NCK2: variants seen among roughly 807,000 people sequenced by gnomAD.
NCK2 encodes cytoplasmic protein NCK2.
In NCK2, 16 loss-of-function variants were observed where a neutral mutation model predicts 33.9. The observed-to-expected ratio is 0.47, with a 90% CI of 0.32 to 0.72. NCK2 has a LOEUF of 0.72. Among genes scored for constraint, NCK2 ranks in the 30% least tolerant of loss-of-function variants. NCK2 has a pLI of 0.03. For missense variants in NCK2, 418 were observed against 537.3 expected (o/e 0.78, Z 2.19); for synonymous variants, 273 against 239.9 (o/e 1.14, Z -1.27).
At chr2:105,844,496 G>A (rs2104557955) in intron 2 of NCK2, among the ~76,000 whole-genome samples, 1 of 151,818 alleles carries the variant, frequency 6.6e-6, no homozygotes, top group South Asian at 2.1e-4. Context: ...GGCTGAGGCG[G>A]GCGGATTATG....
chr2:105,874,992 T>C (rs2104641314), intron 3 of NCK2, among the ~76,000 whole-genome samples: 1 of 152,358 alleles, frequency 6.6e-6, no homozygotes, highest in South Asian at 2.1e-4. Context: ...AATTATACTT[T>C]CTGTCTGCTC....
intron 1 of NCK2, among the ~76,000 whole-genome samples, chr2:105,747,710 G>A (rs968406892): frequency 1.3e-5 from 2 of 152,166 alleles, no homozygotes; most frequent in Admixed American, 1.3e-4. Flanking sequence ...CCATCCAGAG[G>A]GTTTGCGAGT....
chr2:105,813,865 C>T (rs1675381932), intron 1 of NCK2, among the ~76,000 whole-genome samples: 2 of 152,216 alleles, frequency 1.3e-5, no homozygotes, highest in African/African-American at 2.4e-5. Context: ...CGTACGGTAT[C>T]AGTGTTAATT....
At chr2:105,833,400 A>G (rs1676272621) in intron 2 of NCK2, among the ~76,000 whole-genome samples, 1 of 151,904 alleles carries the variant, frequency 6.6e-6, no homozygotes, top group Non-Finnish European at 1.5e-5. Context: ...CAGGTTTTCT[A>G]TTTCTTTCTG....
intron 3 of NCK2, among the ~76,000 whole-genome samples, chr2:105,872,558 C>G (rs1678059873): frequency 1.3e-5 from 2 of 152,202 alleles, no homozygotes; most frequent in Admixed American, 1.3e-4. Flanking sequence ...CTCTATTTCA[C>G]TAGTCTGTGA....
In NCK2 at chr2:105,893,432, G is replaced by C; in HGVS notation, c.*256G>C. On this transcript the variant is annotated 3_prime_UTR_variant, in exon 5 of 5. Transcript: ENST00000233154. Reference sequence around the variant, plus strand: ...ACATTATTCCTTTTCCATCGGAAGTGGCGCTCGTGCATTCAACTCGTTCCC... The same window carrying C: ...ACATTATTCCTTTTCCATCGGAAGTCGCGCTCGTGCATTCAACTCGTTCCC... 2.3e-6 allele frequency: 1 copy of C among 430,976 alleles called. No homozygotes were observed. Among genetic ancestry groups the C allele is most frequent in the African/African-American group, 2.0e-5 (1 of 51,138 alleles). The allele number at this position is 430,976 out of a possible 1,614,324, so 26.7% of individuals were successfully genotyped here.
chr2:105,835,409 G>GTATATATATATATACATACGTATATA (rs1676384609), intron 2 of NCK2, among the ~76,000 whole-genome samples: 4 of 59,328 alleles, frequency 6.7e-5, no homozygotes, highest in Admixed American at 6.4e-4. Flanking sequence ...ATATATACGT[G>GTATATATATATATACATACGTATATA]TATATATATA....
chr2:105,774,561 G>T (rs1178814247), intron 1 of NCK2, among the ~76,000 whole-genome samples: 2 of 152,076 alleles, frequency 1.3e-5, no homozygotes, highest in Admixed American at 6.6e-5. Context: ...AGTCAGATTT[G>T]ATCGTCTCAA....
At chr2:105,760,669 C>T (rs936079448) in intron 1 of NCK2, among the ~76,000 whole-genome samples, 1 of 152,018 alleles carries the variant, frequency 6.6e-6, no homozygotes, top group Non-Finnish European at 1.5e-5. Flanking sequence ...TTGGTGGGCC[C>T]AGAGTTCCAG....
At chr2:105,789,779 C>T (rs1690813796) in intron 1 of NCK2, among the ~76,000 whole-genome samples, 1 of 152,198 alleles carries the variant, frequency 6.6e-6, no homozygotes, top group South Asian at 2.1e-4. Context: ...ACTGCTGCCC[C>T]ACACACCCCC....
intron 4 of NCK2, among the ~76,000 whole-genome samples, chr2:105,886,538 C>G (rs538483972): frequency 3.3e-5 from 5 of 152,304 alleles, no homozygotes; most frequent in Non-Finnish European, 5.9e-5. Flanking sequence ...TCCTGAGAAC[C>G]TATGAACTCC....
At chr2:105,764,289 A>G (rs1270785776) in intron 1 of NCK2, among the ~76,000 whole-genome samples, 1 of 152,248 alleles carries the variant, frequency 6.6e-6, no homozygotes, top group Admixed American at 6.5e-5. Context: ...CAGGTTAAGG[A>G]GAGCCTGTGG....
rs142786930 is a variant in NCK2, at chr2:105,876,768, C to T, written c.227-4560C>T. On this transcript the variant is annotated intron_variant, in intron 3 of 4. Transcript: ENST00000233154. Reference sequence around the variant, plus strand: ...TTTAATGAAAGATGAGGCGATGAAGCGGAGATGTGTAGAAAAACTACACAG... The same window carrying T: ...TTTAATGAAAGATGAGGCGATGAAGTGGAGATGTGTAGAAAAACTACACAG... Among the ~76,000 whole-genome samples, 489 of 152,264 alleles carry T rather than the reference C, an allele frequency of 3.2e-3. 2 individuals carry two copies. The highest frequency in any genetic ancestry group is 0.01 in the African/African-American group (432 of 41,538).
Position 105,813,456 on chromosome 2 carries a change from T to C in NCK2, c.-200-2974T>C, listed in dbSNP as rs141577017. On this transcript the variant is annotated intron_variant, in intron 1 of 4. Coordinates refer to ENST00000233154, the MANE Select transcript of NCK2 (RefSeq NM_003581.5). ...AGAACAAGGCTCATAACTCCCTTCT[T>C]AACCCTGAACTGCTCCTCTGGAGTT... Among the ~76,000 whole-genome samples, 17 of 152,354 alleles carry C rather than the reference T, an allele frequency of 1.1e-4. No individual in the cohort carries two copies. In the East Asian group the frequency reaches 3.1e-3, roughly 28 times the overall value.
intron 1 of NCK2, among the ~76,000 whole-genome samples, chr2:105,777,737 T>C (rs1214585632): frequency 2.0e-5 from 3 of 152,104 alleles, no homozygotes; most frequent in African/African-American, 7.2e-5. Context: ...GGTGCATATG[T>C]TGTGGGTGGA....
At chr2:105,872,436 C>T (rs1678054404) in intron 3 of NCK2, among the ~76,000 whole-genome samples, 1 of 152,180 alleles carries the variant, frequency 6.6e-6, no homozygotes, top group South Asian at 2.1e-4. Flanking sequence ...TGAGCGCCTC[C>T]GTGTCCTGCG....
chr2:105,851,843 C>CGTCAGTGCAGTAA (rs1160077086), intron 2 of NCK2: 7 of 152,144 alleles, frequency 4.6e-5, no homozygotes, highest in Non-Finnish European at 8.8e-5. Context: ...AATTGGTGGG[C>CGTCAGTGCAGTAA]GTCAGTGCAG....
At chr2:105,773,543 T>C (rs1311602102) in intron 1 of NCK2, among the ~76,000 whole-genome samples, 1 of 152,144 alleles carries the variant, frequency 6.6e-6, no homozygotes, top group Non-Finnish European at 1.5e-5. Flanking sequence ...CTGTGCTTCA[T>C]ACTTCATGTC....
At chr2:105,866,034 C>T (rs1284588114) in intron 3 of NCK2, among the ~76,000 whole-genome samples, 1 of 152,134 alleles carries the variant, frequency 6.6e-6, no homozygotes, top group Non-Finnish European at 1.5e-5. Context: ...CCTGACTCAG[C>T]TTCCCAAGTA....
Sources: gnomAD v4.1 joint callset for allele counts (sites outside exome capture counted in the v4.1 genomes callset) on GRCh38, gnomAD v4.1.1 for gene constraint, MANE v1.5 for transcripts, NCBI Gene and HGNC (gene_info 2026-07-23, HGNC 2026-07-21) for gene names.